The following GPHN variants were observed in gnomAD, a reference collection of about 807,000 sequenced individuals.
GPHN encodes the protein gephyrin.
In GPHN, 17 loss-of-function variants were observed where a neutral mutation model predicts 95.5. That is an observed-to-expected ratio of 0.18 (90% CI 0.12 to 0.27). The LOEUF is 0.27. Among genes scored for constraint, GPHN ranks in the 10% least tolerant of loss-of-function variants. The probability of loss-of-function intolerance (pLI) is 1.00; values close to 1 mark genes in which losing one functional copy is unlikely to be tolerated. For missense variants in GPHN, 660 were observed against 978.1 expected, an observed-to-expected ratio of 0.67 and a Z score of 4.34; for synonymous variants, 320 against 322.5, an observed-to-expected ratio of 0.99 and a Z score of 0.08.
intron 5 of GPHN, among the ~76,000 whole-genome samples, chr14:66,899,983 A>G (rs2065049489): frequency 6.6e-6 from 1 of 151,894 alleles, no homozygotes; most frequent in Non-Finnish European, 1.5e-5. Flanking sequence ...TGGTTAATGT[A>G]GTATTTTATG....
intron 4 of GPHN, among the ~76,000 whole-genome samples, chr14:66,832,737 A>C (rs985962331): frequency 1.3e-5 from 2 of 152,178 alleles, no homozygotes; most frequent in Non-Finnish European, 2.9e-5. Context: ...TAAAATAGTC[A>C]TATGACAATT....
intron 1 of GPHN, among the ~76,000 whole-genome samples, chr14:66,563,689 C>A (rs2060353459): frequency 6.6e-6 from 1 of 152,178 alleles, no homozygotes; most frequent in Non-Finnish European, 1.5e-5. Context: ...AGTATCCCGT[C>A]TGATTTACTA....
chr14:66,526,512 C>A (rs1259138349), intron 1 of GPHN, among the ~76,000 whole-genome samples: 1 of 152,166 alleles, frequency 6.6e-6, no homozygotes, highest in African/African-American at 2.4e-5. Flanking sequence ...ACTTTCAATA[C>A]TATGTTGAAT....
chr14:66,636,513 A>T (rs902130400), intron 1 of GPHN, among the ~76,000 whole-genome samples: 4 of 152,110 alleles, frequency 2.6e-5, no homozygotes, highest in African/African-American at 9.6e-5. Context: ...ATAAAAATAA[A>T]AAACTATAGT....
At chr14:67,279,516 C>T in the GPHN span, 1 of 1,539,158 alleles carries the variant, frequency 6.5e-7, no homozygotes, top group African/African-American at 1.4e-5. Flanking sequence ...AGAAAGTCCT[C>T]ATTATGCTGT....
chr14:67,085,366 C>A (rs1441914101), intron 11 of GPHN, among the ~76,000 whole-genome samples: 1 of 152,202 alleles, frequency 6.6e-6, no homozygotes, highest in African/African-American at 2.4e-5. Context: ...TGAGACCTTA[C>A]TCCACTTTCT....
chr14:67,589,888 A>G, the GPHN span: 1 of 1,233,186 alleles, frequency 8.1e-7, no homozygotes, highest in Non-Finnish European at 1.0e-6. Context: ...CCTTACAAGG[A>G]AAACACTATA....
At chr14:67,320,753 G>C in the GPHN span, among the ~76,000 whole-genome samples, 12 of 152,256 alleles carry the variant, frequency 7.9e-5, no homozygotes, top group East Asian at 2.1e-3. Context: ...TAATCTTATG[G>C]AGATAAACTT....
At chr14:67,079,663 C>A (rs1214268682) in intron 11 of GPHN, among the ~76,000 whole-genome samples, 2 of 152,030 alleles carry the variant, frequency 1.3e-5, no homozygotes, top group Non-Finnish European at 1.5e-5. Flanking sequence ...TTTTTAAGTT[C>A]AGCAGTGTTA....
intron 1 of GPHN, among the ~76,000 whole-genome samples, chr14:66,669,315 G>GATC (rs1332436245): frequency 6.7e-6 from 1 of 150,102 alleles, no homozygotes; most frequent in Non-Finnish European, 1.5e-5. Context: ...GGTGAGCCGA[G>GATC]ATCGTGCCAT....
intron 8 of GPHN, among the ~76,000 whole-genome samples, chr14:66,941,870 GATT>G (rs1212877246): frequency 2.6e-5 from 4 of 152,154 alleles, no homozygotes; most frequent in Admixed American, 1.3e-4. Flanking sequence ...TACCTTACTT[GATT>G]ATTAAGGGCT....
intron 4 of GPHN, among the ~76,000 whole-genome samples, chr14:66,878,298 A>AGG (rs2063762271): frequency 5.9e-5 from 9 of 152,020 alleles, no homozygotes; most frequent in Admixed American, 3.3e-4. Flanking sequence ...AATACCATTC[A>AGG]AACATGGGCA....
At chr14:67,690,142 T>G in the GPHN span, 1 of 1,408,170 alleles carries the variant, frequency 7.1e-7, no homozygotes, top group Non-Finnish European at 1.0e-6. Context: ...CTGGAAACAG[T>G]TTCCATTCCT....
At chr14:67,649,506 A>T in the GPHN span, 1 of 152,178 alleles carries the variant, frequency 6.6e-6, no homozygotes, top group Non-Finnish European at 1.5e-5. Flanking sequence ...TGGAAACATA[A>T]GTCATGTATA....
chr14:66,850,509 G>C (rs1450305309), intron 4 of GPHN, among the ~76,000 whole-genome samples: 1 of 151,990 alleles, frequency 6.6e-6, no homozygotes, highest in South Asian at 2.1e-4. Context: ...CATGTAGTTT[G>C]TATTTTTACA....
chr14:67,675,374 C>T, the GPHN span, among the ~76,000 whole-genome samples: 1 of 152,040 alleles, frequency 6.6e-6, no homozygotes, highest in African/African-American at 2.4e-5. Context: ...CATGGTGGCG[C>T]GCACTTTTGG....
intron 1 of GPHN, among the ~76,000 whole-genome samples, chr14:66,574,573 G>A (rs2060828744): frequency 6.6e-6 from 1 of 152,148 alleles, no homozygotes; most frequent in Non-Finnish European, 1.5e-5. Flanking sequence ...TTCTTGTAAG[G>A]TAGGTGTGGT....
At chr14:66,513,476 A>G (rs975582110) in intron 1 of GPHN, among the ~76,000 whole-genome samples, 1 of 151,816 alleles carries the variant, frequency 6.6e-6, no homozygotes, top group Non-Finnish European at 1.5e-5. Context: ...GGTGTTTTTA[A>G]AAACAATCAG....
chr14:67,623,480 C>T, the GPHN span, among the ~76,000 whole-genome samples: 1 of 144,616 alleles, frequency 6.9e-6, no homozygotes, highest in Non-Finnish European at 1.5e-5. Flanking sequence ...AGTGTCTGGG[C>T]TTGTTTTATT....
Sources: allele counts gnomAD v4.1 joint callset (sites outside exome capture counted in the v4.1 genomes callset), GRCh38; gene constraint gnomAD v4.1.1; transcripts MANE v1.5; gene names NCBI Gene and HGNC (gene_info 2026-07-23, HGNC 2026-07-21).